OPCML: variants seen among roughly 807,000 people sequenced by gnomAD.
OPCML encodes the protein opioid-binding protein/cell adhesion molecule.
A neutral mutation model predicts 37.8 loss-of-function variants in OPCML; 13 were observed. The observed-to-expected ratio is 0.34, with a 90% CI of 0.22 to 0.55. OPCML has a LOEUF of 0.55. OPCML is among the 20% of genes least tolerant of loss of function. The probability of loss-of-function intolerance (pLI) is 0.91; values close to 1 mark genes in which losing one functional copy is unlikely to be tolerated. For synonymous variants in OPCML, 176 were observed against 168.8 expected, an observed-to-expected ratio of 1.04 and a Z score of -0.33; for missense variants, 341 against 435.6, an observed-to-expected ratio of 0.78 and a Z score of 1.93.
chr11:132,803,194 C>T (rs1363735479), intron 2 of OPCML, among the ~76,000 whole-genome samples: 1 of 152,164 alleles, frequency 6.6e-6, no homozygotes, highest in Non-Finnish European at 1.5e-5. Flanking sequence ...TTCTCCCCTC[C>T]TCCTCCCCAC....
chr11:132,944,187 G>A (rs924612878), intron 1 of OPCML, among the ~76,000 whole-genome samples: 2 of 152,198 alleles, frequency 1.3e-5, no homozygotes, highest in Non-Finnish European at 2.9e-5. Context: ...CTACAGAGGG[G>A]CGGGGTGGGG....
At chr11:133,059,383 G>T (rs1948298994) in intron 1 of OPCML, among the ~76,000 whole-genome samples, 1 of 152,142 alleles carries the variant, frequency 6.6e-6, no homozygotes, top group South Asian at 2.1e-4. Context: ...ATAACATTAG[G>T]ACATTATTTG....
chr11:132,508,209 A>C (rs1338374451), intron 4 of OPCML, among the ~76,000 whole-genome samples: 3 of 152,236 alleles, frequency 2.0e-5, no homozygotes, highest in Non-Finnish European at 4.4e-5. Flanking sequence ...AAGGGAAAAC[A>C]TGTCCCAACT....
intron 1 of OPCML, among the ~76,000 whole-genome samples, chr11:132,982,546 G>A (rs1301433855): frequency 2.0e-5 from 3 of 151,108 alleles, no homozygotes. Flanking sequence ...AGCTACACTA[G>A]CTTAAGAGAC....
chr11:132,923,940 T>G (rs1160705567), intron 2 of OPCML, among the ~76,000 whole-genome samples: 1 of 151,794 alleles, frequency 6.6e-6, no homozygotes, highest in African/African-American at 2.4e-5. Flanking sequence ...ATTTTGTATC[T>G]TTAGGAGAGA....
At chr11:133,030,406 C>T (rs1228134357) in intron 1 of OPCML, among the ~76,000 whole-genome samples, 2 of 152,158 alleles carry the variant, frequency 1.3e-5, no homozygotes, top group East Asian at 3.9e-4. Context: ...AAGGTCTGTG[C>T]TCATGCTCTG....
intron 1 of OPCML, among the ~76,000 whole-genome samples, chr11:133,115,939 AT>A: frequency 6.6e-6 from 1 of 151,532 alleles, no homozygotes; most frequent in South Asian, 2.1e-4. Context: ...ATACTTTAGT[AT>A]TTGTTTCTTA....
At chr11:133,460,031 T>C (rs1420342505) in intron 1 of OPCML, among the ~76,000 whole-genome samples, 1 of 152,010 alleles carries the variant, frequency 6.6e-6, no homozygotes, top group African/African-American at 2.4e-5. Context: ...TCTGTTCTTA[T>C]CACAATGGAA....
chr11:132,761,514 C>A (rs1184709911), intron 2 of OPCML, among the ~76,000 whole-genome samples: 1 of 151,938 alleles, frequency 6.6e-6, no homozygotes, highest in Non-Finnish European at 1.5e-5. Context: ...CCTTTTTATT[C>A]TTTTTTCTCT....
chr11:133,508,021 A>C (rs1948072846), intron 1 of OPCML, among the ~76,000 whole-genome samples: 1 of 152,064 alleles, frequency 6.6e-6, no homozygotes, highest in African/African-American at 2.4e-5. Context: ...CCAACACTAG[A>C]TATTAGGATT....
chr11:133,319,371 G>A (rs749855640), intron 1 of OPCML, among the ~76,000 whole-genome samples: 1 of 152,138 alleles, frequency 6.6e-6, no homozygotes, highest in Non-Finnish European at 1.5e-5. Flanking sequence ...AGGCCACCCA[G>A]CTGTCCCTTA....
chr11:133,222,676 G>A (rs1351682693), intron 1 of OPCML, among the ~76,000 whole-genome samples: 1 of 152,172 alleles, frequency 6.6e-6, no homozygotes, highest in African/African-American at 2.4e-5. Context: ...TATAAATTAT[G>A]TAGCTGTCTT....
chr11:133,014,109 T>C (rs1591911979), intron 1 of OPCML, among the ~76,000 whole-genome samples: 1 of 152,332 alleles, frequency 6.6e-6, no homozygotes, highest in Middle Eastern at 3.4e-3. Context: ...CTTTACTAAC[T>C]GGCCTTTATC....
chr11:132,652,474 G>A (rs1048435558), intron 3 of OPCML, among the ~76,000 whole-genome samples: 4 of 152,092 alleles, frequency 2.6e-5, no homozygotes, highest in Non-Finnish European at 5.9e-5. Context: ...GCAGAATGCT[G>A]AAAAGACACT....
intron 2 of OPCML, among the ~76,000 whole-genome samples, chr11:132,940,004 T>C (rs1265431830): frequency 6.6e-6 from 1 of 152,188 alleles, no homozygotes; most frequent in Non-Finnish European, 1.5e-5. Context: ...TTCAAATAAT[T>C]ATTTTTGCTT....
chr11:132,824,590 T>TC (rs1217273059), intron 2 of OPCML, among the ~76,000 whole-genome samples: 4 of 152,286 alleles, frequency 2.6e-5, no homozygotes, highest in African/African-American at 7.2e-5. Context: ...CACCCCATCA[T>TC]CCCTTCATCT....
At chr11:133,494,802 C>A (rs1335175516) in intron 1 of OPCML, among the ~76,000 whole-genome samples, 3 of 149,614 alleles carry the variant, frequency 2.0e-5, no homozygotes, top group Non-Finnish European at 4.4e-5. Context: ...AGCACACCAA[C>A]ATGGCACATG....
At chr11:132,967,306 T>C in intron 1 of OPCML, among the ~76,000 whole-genome samples, 1 of 152,074 alleles carries the variant, frequency 6.6e-6, no homozygotes, top group East Asian at 1.9e-4. Flanking sequence ...TATGCCCTTT[T>C]CCCACATTTT....
intron 3 of OPCML, among the ~76,000 whole-genome samples, chr11:132,605,511 C>A (rs1033564288): frequency 2.6e-5 from 4 of 151,920 alleles, no homozygotes; most frequent in African/African-American, 9.7e-5. Flanking sequence ...TTGCAGTGAG[C>A]CAAGATCGCA....
Sources: allele counts gnomAD v4.1 joint callset (sites outside exome capture counted in the v4.1 genomes callset), GRCh38; gene constraint gnomAD v4.1.1; transcripts MANE v1.5; gene names NCBI Gene and HGNC (gene_info 2026-07-23, HGNC 2026-07-21).